Variants in RERE observed in about 807,000 individuals in gnomAD.
RERE encodes arginine-glutamic acid dipeptide repeats, also known as arginine-glutamic acid dipeptide repeats protein.
In RERE, 40 loss-of-function variants were observed where a neutral mutation model predicts 146.1. The ratio of observed to expected loss-of-function variants is 0.27; its 90% confidence interval spans 0.21 to 0.36. The LOEUF (loss-of-function observed/expected upper bound fraction) is 0.36. Among genes scored for constraint, RERE ranks in the 10% least tolerant of loss-of-function variants. The pLI, the probability that RERE is intolerant of heterozygous loss-of-function variation, is 1.00. For missense variants in RERE, 1,933 were observed against 2,138.7 expected, an observed-to-expected ratio of 0.90 and a Z score of 1.90; for synonymous variants, 1,003 against 866.0, an observed-to-expected ratio of 1.16 and a Z score of -2.78.
rs1216492971 is a variant in RERE, at chr1:8,735,944, CA to C, written c.-144-79504del. On this transcript the variant is annotated intron_variant, in intron 1 of 22. Coordinates refer to ENST00000400908, the MANE Select transcript of RERE (RefSeq NM_001042681.2). ...TTCAGTATTTATAGCAATGCAAGAA[CA>C]GACTATTATATTTACCATATTCAAC... 5.1e-4 allele frequency among the ~76,000 whole-genome samples: 78 copies of C among 152,266 alleles called. 1 individual carries two copies. The highest frequency in any genetic ancestry group is 1.8e-3 in the African/African-American group (74 of 41,540).
At chr1:8,374,189 G>A (rs949917227) in intron 12 of RERE, among the ~76,000 whole-genome samples, 7 of 152,180 alleles carry the variant, frequency 4.6e-5, no homozygotes, top group Non-Finnish European at 1.0e-4. Context: ...CTCCAGGCAA[G>A]GCAGTCCCTC....
intron 11 of RERE, chr1:8,425,526 T>C (rs778162553): frequency 2.0e-5 from 3 of 152,354 alleles, no homozygotes; most frequent in Non-Finnish European, 4.4e-5. Flanking sequence ...GGGAGGTGGC[T>C]TGGTGACCGG....
At chr1:8,706,219 T>A (rs139672820) in intron 1 of RERE, among the ~76,000 whole-genome samples, 1,712 of 151,694 alleles carry the variant, frequency 0.011, 14 homozygotes, top group Non-Finnish European at 0.018. Flanking sequence ...CTCAGGAGGC[T>A]GAGACAGGAG....
intron 1 of RERE, among the ~76,000 whole-genome samples, chr1:8,690,930 G>A (rs1004923498): frequency 5.3e-5 from 8 of 151,724 alleles, no homozygotes; most frequent in Admixed American, 3.9e-4. Flanking sequence ...ACGGTGTCTC[G>A]CTCTGTCACC....
chr1:8,533,445 T>C (rs1171115638), intron 7 of RERE, among the ~76,000 whole-genome samples: 1 of 152,244 alleles, frequency 6.6e-6, no homozygotes, highest in Non-Finnish European at 1.5e-5. Context: ...ACGGTGAGCT[T>C]GGCATTCAAG....
chr1:8,640,677 T>C (rs1647165094), intron 2 of RERE, among the ~76,000 whole-genome samples: 1 of 152,196 alleles, frequency 6.6e-6, no homozygotes, highest in South Asian at 2.1e-4. Context: ...TTAATGCATA[T>C]ATAATGACAA....
chr1:8,808,913 G>A (rs561418778), intron 1 of RERE, among the ~76,000 whole-genome samples: 24 of 152,122 alleles, frequency 1.6e-4, no homozygotes, highest in Non-Finnish European at 2.6e-4. Flanking sequence ...CAAGGCAGGC[G>A]GATCACGAAG....
intron 1 of RERE, among the ~76,000 whole-genome samples, chr1:8,684,030 C>T (rs1231298192): frequency 6.6e-6 from 1 of 152,182 alleles, no homozygotes; most frequent in African/African-American, 2.4e-5. Context: ...ATTCACATCA[C>T]AGGTTTTCCT....
At chr1:8,671,314 G>A (rs1638712192) in intron 1 of RERE, among the ~76,000 whole-genome samples, 1 of 152,188 alleles carries the variant, frequency 6.6e-6, no homozygotes, top group African/African-American at 2.4e-5. Flanking sequence ...ACTACATGAC[G>A]ATGCTCTGAA....
intron 21 of RERE, 119 bp downstream of exon 21, chr1:8,355,981 G>C (rs1434616062): frequency 8.9e-7 from 1 of 1,123,802 alleles, no homozygotes; most frequent in Non-Finnish European, 1.2e-6. Context: ...CATGCAGGGG[G>C]AGCGAACCCA....
chr1:8,816,392 C>A (rs1162147623), intron 1 of RERE, among the ~76,000 whole-genome samples: 1 of 152,174 alleles, frequency 6.6e-6, no homozygotes, highest in Non-Finnish European at 1.5e-5. Flanking sequence ...TGTTTGAAGT[C>A]TGTAATCCAG....
chr1:8,784,255 T>C (rs891371523), intron 1 of RERE, among the ~76,000 whole-genome samples: 2 of 152,206 alleles, frequency 1.3e-5, no homozygotes, highest in African/African-American at 4.8e-5. Context: ...TGCTCAAACA[T>C]CATCCTCTCC....
At chr1:8,480,128 G>GTTTTTTTTTTTTTTTTTTT (rs112068785) in intron 10 of RERE, among the ~76,000 whole-genome samples, 1 of 135,224 alleles carries the variant, frequency 7.4e-6, no homozygotes, top group Non-Finnish European at 1.6e-5. Flanking sequence ...GCCTTTTTTT[G>GTTTTTTTTTTTTTTTTTTT]TTTTTTTTTT....
Position 8,495,995 on chromosome 1 carries a change from G to A in RERE, c.1005-833C>T, listed in dbSNP as rs868719341. Reference sequence around the variant, plus strand: ...GTTCAAAATCAGCCCTGACAACATAGAGAGAGAAAAAAAATATATTAGCCA... The same window carrying A: ...GTTCAAAATCAGCCCTGACAACATAAAGAGAGAAAAAAAATATATTAGCCA... On this transcript the variant is annotated intron_variant, in intron 9 of 22. Transcript: ENST00000400908. Among the ~76,000 whole-genome samples, 80 of 151,854 alleles carry A rather than the reference G, an allele frequency of 5.3e-4. 1 individual carries two copies. The highest frequency in any genetic ancestry group is 3.9e-4 in the Admixed American group (6 of 15,252).
At chr1:8,569,671 C>T (rs1646195843) in intron 4 of RERE, among the ~76,000 whole-genome samples, 1 of 152,142 alleles carries the variant, frequency 6.6e-6, no homozygotes, top group Non-Finnish European at 1.5e-5. Context: ...GCATGAAGAC[C>T]GCTTGAGCCC....
At chr1:8,741,601 T>C (rs1640311295) in intron 1 of RERE, among the ~76,000 whole-genome samples, 1 of 152,176 alleles carries the variant, frequency 6.6e-6, no homozygotes, top group Non-Finnish European at 1.5e-5. Context: ...CAGCACTCAC[T>C]CTGTCCTGCC....
chr1:8,478,032 C>G (rs1355571902), intron 10 of RERE, among the ~76,000 whole-genome samples: 1 of 152,192 alleles, frequency 6.6e-6, no homozygotes, highest in East Asian at 1.9e-4. Context: ...GCCAAAGGCC[C>G]TGGAGAGCCA....
At chr1:8,543,048 C>T (rs1645817891) in intron 6 of RERE, among the ~76,000 whole-genome samples, 1 of 152,136 alleles carries the variant, frequency 6.6e-6, no homozygotes, top group East Asian at 1.9e-4. Context: ...TGGCTACTAG[C>T]TACCATAGTG....
chr1:8,547,418 T>C (rs1645877284), intron 6 of RERE, among the ~76,000 whole-genome samples: 1 of 152,040 alleles, frequency 6.6e-6, no homozygotes, highest in Admixed American at 6.5e-5. Context: ...TAAATTTGAT[T>C]AGATAAAAAT....
Sources: gnomAD v4.1 joint callset for allele counts (sites outside exome capture counted in the v4.1 genomes callset) on GRCh38, gnomAD v4.1.1 for gene constraint, MANE v1.5 for transcripts, NCBI Gene and HGNC (gene_info 2026-07-23, HGNC 2026-07-21) for gene names.